The following RHEB variants were observed in gnomAD, a reference collection of about 807,000 sequenced individuals.
RHEB encodes Ras homolog, mTORC1 binding.
RHEB carries 2 observed loss-of-function variants against 28.8 expected under a neutral mutation model. That is an observed-to-expected ratio of 0.07 (90% CI 0.03 to 0.22). The LOEUF (loss-of-function observed/expected upper bound fraction) is 0.22, where lower values mean the gene tolerates loss of function less well. Ranked by LOEUF, RHEB falls within the 10% of genes least tolerant of loss-of-function variation. The pLI is 1.00. For missense variants in RHEB, 76 were observed against 219.9 expected (o/e 0.35, Z 4.14); for synonymous variants, 69 against 77.3 (o/e 0.89, Z 0.56).
chr7:151,504,224 C>A (rs144701806), intron 1 of RHEB, among the ~76,000 whole-genome samples: 21 of 152,300 alleles, frequency 1.4e-4, no homozygotes, highest in African/African-American at 5.1e-4. Flanking sequence ...GTCCCTATAA[C>A]CTTAACCTAC....
At chr7:151,509,210 G>A (rs537450314) in intron 1 of RHEB, among the ~76,000 whole-genome samples, 7 of 152,276 alleles carry the variant, frequency 4.6e-5, no homozygotes, top group African/African-American at 1.7e-4. Context: ...TGCGGTGTGA[G>A]GGTATGCTTG....
chr7:151,505,851 A>G lies in RHEB; in HGVS notation c.52+13609T>C, dbSNP rs114284031. 2.3e-3 allele frequency among the ~76,000 whole-genome samples: 353 copies of G among 152,360 alleles called. 1 individual carries two copies. The highest frequency in any genetic ancestry group is 8.2e-3 in the African/African-American group (342 of 41,590). Reference sequence around the variant, plus strand: ...AATTATACATGCAACACCATGGATGAATCTCAAAAACATTATGCTAACTGA... The same window carrying G: ...AATTATACATGCAACACCATGGATGGATCTCAAAAACATTATGCTAACTGA... On this transcript the variant is annotated intron_variant, in intron 1 of 7. Coordinates refer to ENST00000262187, the MANE Select transcript of RHEB (RefSeq NM_005614.4).
intron 2 of RHEB, among the ~76,000 whole-genome samples, chr7:151,489,392 T>C (rs1457167929): frequency 1.3e-5 from 2 of 152,190 alleles, no homozygotes; most frequent in African/African-American, 2.4e-5. Flanking sequence ...AGACAAATCA[T>C]AGGATGTAAT....
At chr7:151,467,327 G>T in intron 7 of RHEB, 116 bp from the exon 8 acceptor site, 1 of 743,472 alleles carries the variant, frequency 1.3e-6, no homozygotes, top group Non-Finnish European at 2.3e-6. Flanking sequence ...GGAGGAGGAG[G>T]GGTTCTGGTG....
intron 3 of RHEB, among the ~76,000 whole-genome samples, chr7:151,481,274 T>G (rs555078605): frequency 3.9e-5 from 6 of 152,136 alleles, no homozygotes; most frequent in African/African-American, 1.4e-4. Flanking sequence ...CATTCCTAGG[T>G]GGGCAATTAA....
intron 3 of RHEB, among the ~76,000 whole-genome samples, chr7:151,479,200 A>G (rs1802327428): frequency 6.6e-6 from 1 of 152,188 alleles, no homozygotes; most frequent in Non-Finnish European, 1.5e-5. Context: ...TGGCATTTCA[A>G]TCAGTGAGGA....
intron 1 of RHEB, among the ~76,000 whole-genome samples, chr7:151,511,621 A>G (rs1802990249): frequency 6.6e-6 from 1 of 152,114 alleles, no homozygotes; most frequent in South Asian, 2.1e-4. Flanking sequence ...AAGAAAATTA[A>G]AATACTAAAA....
At chr7:151,483,386 T>C (rs1802412006) in intron 3 of RHEB, among the ~76,000 whole-genome samples, 1 of 152,156 alleles carries the variant, frequency 6.6e-6, no homozygotes, top group South Asian at 2.1e-4. Flanking sequence ...CAGATCACAC[T>C]ACACTCACCC....
chr7:151,483,088 G>A (rs1802406103), intron 3 of RHEB, among the ~76,000 whole-genome samples: 1 of 152,206 alleles, frequency 6.6e-6, no homozygotes, highest in Admixed American at 6.5e-5. Flanking sequence ...TGTGTAGGGT[G>A]AGTGAAGGAG....
intron 1 of RHEB, among the ~76,000 whole-genome samples, chr7:151,518,375 C>T (rs1048740100): frequency 2.6e-5 from 4 of 152,146 alleles, no homozygotes; most frequent in African/African-American, 9.7e-5. Context: ...AGATAGTCAC[C>T]CCGTTCCGCA....
intron 1 of RHEB, among the ~76,000 whole-genome samples, chr7:151,512,189 T>C (rs1452187344): frequency 6.6e-6 from 1 of 152,244 alleles, no homozygotes; most frequent in Non-Finnish European, 1.5e-5. Flanking sequence ...TTCTGATTTA[T>C]TCAAGTAACT....
intron 7 of RHEB, 88 bp from the exon 8 acceptor site, chr7:151,467,299 C>T: frequency 1.1e-6 from 1 of 929,540 alleles, no homozygotes; most frequent in Admixed American, 1.9e-5. Context: ...GTGCCGCCTG[C>T]CCTGCCCTCC....
chr7:151,479,054 T>C (rs943841512), intron 3 of RHEB, among the ~76,000 whole-genome samples: 11 of 152,072 alleles, frequency 7.2e-5, no homozygotes, highest in African/African-American at 2.7e-4. Context: ...AATATAACAA[T>C]ATAATAGCAA....
chr7:151,482,275 C>T (rs969334818), intron 3 of RHEB, among the ~76,000 whole-genome samples: 5 of 152,216 alleles, frequency 3.3e-5, no homozygotes, highest in African/African-American at 7.2e-5. Context: ...GATGGGATCT[C>T]GCTGTGTTGC....
intron 1 of RHEB, among the ~76,000 whole-genome samples, chr7:151,494,709 A>G (rs1802644620): frequency 6.6e-6 from 1 of 152,256 alleles, no homozygotes; most frequent in South Asian, 2.1e-4. Flanking sequence ...ACTGTTCATT[A>G]GCAGAAGTGG....
At chr7:151,517,477 T>C (rs1388362185) in intron 1 of RHEB, among the ~76,000 whole-genome samples, 1 of 151,328 alleles carries the variant, frequency 6.6e-6, no homozygotes, top group Non-Finnish European at 1.5e-5. Context: ...GTGGGGTAGG[T>C]TGCAGAAATA....
rs532315538 is a variant in RHEB at position 151,468,484 on chromosome 7, C to A, written c.463-1273G>T. Among the ~76,000 whole-genome samples, 1 of 152,246 alleles carries A rather than the reference C, an allele frequency of 6.6e-6. No homozygotes were observed. The highest frequency in any genetic ancestry group is 1.5e-5 in the Non-Finnish European group (1 of 68,036). On this transcript the variant is annotated intron_variant, in intron 7 of 7. Coordinates refer to ENST00000262187, the MANE Select transcript of RHEB (RefSeq NM_005614.4). The surrounding 1 kb of genome is among the most constrained non-coding windows in gnomAD (Gnocchi z 4.3). Reference sequence around the variant, plus strand: ...CTCACACCCATGACCAGGAACCTGGCGCAGACACTTGGTGCTGCCTAGCCA... The same window carrying A: ...CTCACACCCATGACCAGGAACCTGGAGCAGACACTTGGTGCTGCCTAGCCA...
chr7:151,509,066 A>G (rs1802939068), intron 1 of RHEB, among the ~76,000 whole-genome samples: 1 of 152,214 alleles, frequency 6.6e-6, no homozygotes, highest in Non-Finnish European at 1.5e-5. Context: ...CTAGAGAAAG[A>G]GTCCAACTCC....
intron 4 of RHEB, 55 bp downstream of exon 4, chr7:151,477,278 G>A (rs116263776): frequency 2.0e-6 from 2 of 993,348 alleles, no homozygotes; most frequent in African/African-American, 1.6e-5. Context: ...CCCTTAAAAG[G>A]ATCAATGTTA....
Sources: gnomAD v4.1 joint callset for allele counts (sites outside exome capture counted in the v4.1 genomes callset) on GRCh38, gnomAD v4.1.1 for gene constraint, Gnocchi (gnomAD v3.1) non-coding constraint, MANE v1.5 for transcripts, NCBI Gene and HGNC (gene_info 2026-07-23, HGNC 2026-07-21) for gene names.